Variants in DTX3L observed in about 807,000 individuals in gnomAD.
The protein encoded by DTX3L is E3 ubiquitin-protein ligase DTX3L.
In DTX3L, 34 loss-of-function variants were observed where a neutral mutation model predicts 60.9. The observed-to-expected ratio is 0.56, with a 90% CI of 0.42 to 0.74. DTX3L has a LOEUF of 0.74. Among genes scored for constraint, DTX3L ranks in the 30% least tolerant of loss-of-function variants. The probability of loss-of-function intolerance (pLI) is 0.00; values close to 1 mark genes in which losing one functional copy is unlikely to be tolerated. For synonymous variants in DTX3L, 290 were observed against 316.6 expected (o/e 0.92, Z 0.89); for missense variants, 810 against 874.0 (o/e 0.93, Z 0.92).
Position 122,573,361 on chromosome 3 carries a change from A to C in DTX3L, c.*1614A>C, listed in dbSNP as rs1170974425. The C allele has an allele frequency of 6.6e-6, 1 of 152,230 alleles. No homozygotes were observed. The highest frequency in any genetic ancestry group is 1.5e-5 in the Non-Finnish European group (1 of 68,046). 9.4% of individuals were successfully genotyped at this position (152,230 alleles called of 1,614,324 possible). On this transcript the variant is annotated 3_prime_UTR_variant, in exon 5 of 5. Transcript: ENST00000296161. ...AATTGTTTGCCTGACTCAGGTTGCT[A>C]GTAAGCCAGCAGAGGGATATTTGCC...
In DTX3L at chr3:122,570,662, G is replaced by A. The variant is rs768650894; in HGVS notation, c.2143G>A (p.Gly715Arg). The part of the protein sequence containing the change: ...DIHHKTSRFG[G>R]PEMYGYPDPS... ...TCACCACAAAACATCCCGGTTTGGA[G>A]GACCAGAAATGTGAGATCCTTTTGG... Residue 715 changes from glycine (G) to arginine (R), a missense_variant, in exon 4 of 5, where the codon GGA becomes AGA. Coordinates refer to ENST00000296161, the MANE Select transcript of DTX3L (RefSeq NM_138287.3). 2.0e-5 allele frequency: 33 copies of A among 1,614,046 alleles called. No individual in the cohort carries two copies. The highest frequency in any genetic ancestry group is 3.3e-5 in the Admixed American group (2 of 60,004).
At chr3:122,564,680 C>T in intron 1 of DTX3L, 67 bp downstream of exon 1, 3 of 1,534,970 alleles carry the variant, frequency 2.0e-6, no homozygotes, top group Non-Finnish European at 2.6e-6. Context: ...CCAGGCGGAC[C>T]CAGTTCCAGC....
At position 122,566,013 on chromosome 3, in the gene DTX3L, T is replaced by C; in HGVS notation, c.342T>C (p.Gly114=). 1 of 1,614,192 alleles carries C rather than the reference T, an allele frequency of 6.2e-7. No homozygotes were observed. The highest frequency in any genetic ancestry group is 1.3e-5 in the African/African-American group (1 of 75,054). ...LTQSQAETPS[G]DMHQHEGHIP... The stretch of plus-strand genomic sequence containing the variant: ...AATCACAAGCAGAAACACCGTCTGG[T>C]GATATGCATCAACATGAAGGACATA... The change falls in exon 2 of 5, where the codon GGT becomes GGC. Residue 114 remains glycine, a synonymous_variant. Coordinates refer to ENST00000296161, the MANE Select transcript of DTX3L (RefSeq NM_138287.3).
In DTX3L at chr3:122,570,470, C is replaced by G. The variant is rs900275425; in HGVS notation, c.1951C>G (p.Pro651Ala). The stretch of plus-strand genomic sequence containing the variant: ...TCTCACACAGGAAGAACACCCAAAC[C>G]CAGGAAAGAGATACCCTGGAATACA... ...AGIQTEEHPN[P>A]GKRYPGIQRT... Residue 651 changes from proline to alanine, a missense_variant, in exon 4 of 5, where the codon CCA (proline) becomes GCA (alanine). Coordinates refer to ENST00000296161, the MANE Select transcript of DTX3L (RefSeq NM_138287.3). The G allele has an allele frequency of 3.1e-6, 5 of 1,613,924 alleles. No homozygotes were observed. In the Admixed American group the frequency reaches 8.3e-5, roughly 27 times the overall value.
rs539630211 is a variant in DTX3L, at chr3:122,569,241, C to T, written c.1152C>T (p.His384=). The T allele has an allele frequency of 9.9e-6, 16 of 1,614,100 alleles. No individual in the cohort carries two copies. The East Asian group carries it at 3.3e-4, about 34-fold the overall frequency. The part of the protein sequence containing the change: ...MMNVIEVDSA[H]YKLLETELLQ... ...ATGTAATTGAGGTTGATAGTGCCCA[C>T]TATAAACTTTTAGAAACTGAATTAC... Residue 384 remains histidine, a synonymous_variant, in exon 3 of 5, where the codon CAC becomes CAT. Transcript: ENST00000296161.
In DTX3L at chr3:122,574,491, A is replaced by C. The variant is rs185529806; in HGVS notation, c.*2744A>C. 6.6e-6 allele frequency: 1 copy of C among 152,328 alleles called. No homozygotes were observed. The highest frequency in any genetic ancestry group is 1.9e-4 in the East Asian group (1 of 5,192). 9.4% of individuals were successfully genotyped at this position (152,328 alleles called of 1,614,324 possible). A position where few individuals can be genotyped will look rare whatever the true frequency, so the allele number is the denominator to read the frequency against. The stretch of plus-strand genomic sequence containing the variant: ...AAAGATACACATACACACATGTACA[A>C]ATTTTTTTATCAGATAATAATAGCT... On this transcript the variant is annotated 3_prime_UTR_variant, in exon 5 of 5. Coordinates refer to ENST00000296161, the MANE Select transcript of DTX3L (RefSeq NM_138287.3).
Position 122,569,436 on chromosome 3 carries a change from G to A in DTX3L, c.1347G>A (p.Met449Ile). The change falls in exon 3 of 5, where the codon ATG (methionine) becomes ATA (isoleucine). Residue 449 changes from methionine (M) to isoleucine (I), a missense_variant. Coordinates refer to ENST00000296161, the MANE Select transcript of DTX3L (RefSeq NM_138287.3). ...DAFQHASCQL[M>I]REVLLLKSLG... ...TTCAACATGCCTCATGTCAGTTGAT[G>A]AGAGAAGTTCTTTTACTGAAGTCTT... The A allele has an allele frequency of 6.2e-7, 1 of 1,614,166 alleles. No homozygotes were observed. Among genetic ancestry groups the A allele is most frequent in the Non-Finnish European group, 8.5e-7 (1 of 1,180,034 alleles).
intron 4 of DTX3L, among the ~76,000 whole-genome samples, chr3:122,570,916 G>C (rs917219162): frequency 6.6e-6 from 1 of 152,110 alleles, no homozygotes; most frequent in African/African-American, 2.4e-5. Flanking sequence ...TTTTGAATCC[G>C]AGATGAATAC....
chr3:122,566,067 A>G lies in DTX3L; in HGVS notation c.396A>G (p.Gln132=). Residue 132 remains glutamine (Q), a synonymous_variant, in exon 2 of 5, where the codon CAA becomes CAG. Transcript: ENST00000296161. ...HIPNAVDSCL[Q]KIFLTVTADL... The stretch of plus-strand genomic sequence containing the variant: ...CTAATGCTGTGGATTCCTGTCTCCA[A>G]AAGGTGAGTATTGAAAGAAGGAGCT... 1.2e-6 allele frequency: 2 copies of G among 1,613,924 alleles called. No individual in the cohort carries two copies. The highest frequency in any genetic ancestry group is 1.1e-5 in the South Asian group (1 of 91,078).
At position 122,570,624 on chromosome 3, in the gene DTX3L, C is replaced by T; in HGVS notation, c.2105C>T (p.Thr702Ile). ...SRVLGVSDVI[T>I]WNDIHHKTSR... The stretch of plus-strand genomic sequence containing the variant: ...GTATTAGGAGTCTCAGATGTCATCA[C>T]TTGGAATGATATTCACCACAAAACA... The change falls in exon 4 of 5, where the codon ACT (threonine) becomes ATT (isoleucine). Residue 702 changes from threonine (T) to isoleucine (I), a missense_variant. Thr to Ile is a moderately conservative substitution (Grantham distance 89, BLOSUM62 -1). Transcript: ENST00000296161. 6.2e-7 allele frequency: 1 copy of T among 1,614,172 alleles called. No homozygotes were observed. Among genetic ancestry groups the T allele is most frequent in the Admixed American group, 1.7e-5 (1 of 60,018 alleles).
chr3:122,564,417 G>C lies in DTX3L; in HGVS notation c.-10G>C. The stretch of plus-strand genomic sequence containing the variant: ...CCCGGAGCCCCCGCGCCCTCCCGAC[G>C]CGCAGAGCCATGGCCTCCCACCTGC... On this transcript the variant is annotated 5_prime_UTR_variant, in exon 1 of 5. Transcript: ENST00000296161. 6.2e-7 allele frequency: 1 copy of C among 1,604,354 alleles called. No homozygotes were observed. Among genetic ancestry groups the C allele is most frequent in the Non-Finnish European group, 8.5e-7 (1 of 1,175,950 alleles).
rs781422888 is a variant in DTX3L, at chr3:122,568,937, G to A, written c.848G>A (p.Arg283Gln). ...NMVCLDFTSSRSGDLEAARES... is the reference protein window; with the variant it reads ...NMVCLDFTSSQSGDLEAARES... ...GTCTGTTTAGATTTCACCTCAAGTC[G>A]ATCAGGTGACCTGGAAGCAGCTCGT... The change falls in exon 3 of 5, where the codon CGA becomes CAA. Residue 283 changes from arginine (R) to glutamine (Q), a missense_variant. Transcript: ENST00000296161. 1.4e-5 allele frequency: 22 copies of A among 1,613,918 alleles called. No homozygotes were observed. Among genetic ancestry groups the A allele is most frequent in the African/African-American group, 8.0e-5 (6 of 74,904 alleles).
At chr3:122,570,716 G>T (rs960201779) in intron 4 of DTX3L, 44 bp downstream of exon 4, 13 of 1,600,454 alleles carry the variant, frequency 8.1e-6, no homozygotes, top group Non-Finnish European at 1.1e-5. Flanking sequence ...CAGAGTATAG[G>T]GATTATGAAA....
chr3:122,569,442 A>C lies in DTX3L; in HGVS notation c.1353A>C (p.Glu451Asp). 6.2e-7 allele frequency: 1 copy of C among 1,614,170 alleles called. No homozygotes were observed. The highest frequency in any genetic ancestry group is 8.5e-7 in the Non-Finnish European group (1 of 1,180,032). The change falls in exon 3 of 5, where the codon GAA (glutamate) becomes GAC (aspartate). Residue 451 changes from glutamate to aspartate, a missense_variant. Coordinates refer to ENST00000296161, the MANE Select transcript of DTX3L (RefSeq NM_138287.3). ...ATGCCTCATGTCAGTTGATGAGAGA[A>C]GTTCTTTTACTGAAGTCTTTGGGCA... Reference protein sequence around the residue: ...FQHASCQLMREVLLLKSLGKE... With the variant: ...FQHASCQLMRDVLLLKSLGKE...
At position 122,569,799 on chromosome 3, in the gene DTX3L, C is replaced by T. The variant is rs780541559; in HGVS notation, c.1710C>T (p.Asn570=). The change falls in exon 3 of 5, where the codon AAC becomes AAT. Residue 570 remains asparagine (N), a synonymous_variant. Transcript: ENST00000296161. ...TCATCTGTATGGACACCATTAGTAA[C>T]AAAAAAGTGCTACCAAAGTGCAAGC... ...ICVICMDTIS[N]KKVLPKCKHE... 4 of 1,614,070 alleles carry T rather than the reference C, an allele frequency of 2.5e-6. No individual in the cohort carries two copies. The highest frequency in any genetic ancestry group is 1.7e-5 in the Admixed American group (1 of 60,022).
chr3:122,569,030 A>C lies in DTX3L; in HGVS notation c.941A>C (p.Asp314Ala). ...PLKQECVSLA[D>A]SKQANKFKQE... ...AAGCAAGAATGTGTCTCTTTAGCAG[A>C]CAGTAAGCAGGCAAATAAATTCAAA... Residue 314 changes from aspartate to alanine, a missense_variant, in exon 3 of 5, where the codon GAC (aspartate) becomes GCC (alanine). Physicochemically the swap from Asp to Ala is moderately radical, Grantham distance 126. Transcript: ENST00000296161. 6.2e-7 allele frequency: 1 copy of C among 1,614,140 alleles called. No homozygotes were observed. Among genetic ancestry groups the C allele is most frequent in the Non-Finnish European group, 8.5e-7 (1 of 1,180,012 alleles).
intron 2 of DTX3L, among the ~76,000 whole-genome samples, chr3:122,566,371 CT>C (rs68028452): frequency 0.28 from 42,169 of 151,952 alleles, 6,032 homozygotes; most frequent in East Asian, 0.42. Context: ...GGTGTTACTT[CT>C]TTTTTTCCCC....
chr3:122,569,972 A>C lies in DTX3L; in HGVS notation c.1883A>C (p.Glu628Ala). The C allele has an allele frequency of 6.2e-7, 1 of 1,614,124 alleles. No individual in the cohort carries two copies. Among genetic ancestry groups the C allele is most frequent in the Non-Finnish European group, 8.5e-7 (1 of 1,180,024 alleles). ...TVSRDSLPGY[E>A]SFGTIVITYS... is the part of the protein sequence containing the mutation. ...TCAAGAGACTCACTTCCAGGTTATG[A>C]GTCCTTTGGCACCATTGTGATTACT... Residue 628 changes from glutamate (E) to alanine (A), a missense_variant, in exon 3 of 5, where the codon GAG becomes GCG. Coordinates refer to ENST00000296161, the MANE Select transcript of DTX3L (RefSeq NM_138287.3).
In DTX3L at chr3:122,570,583, A is replaced by G; in HGVS notation, c.2064A>G (p.Thr688=). 4 of 1,614,184 alleles carry G rather than the reference A, an allele frequency of 2.5e-6. No homozygotes were observed. Among genetic ancestry groups the G allele is most frequent in the Non-Finnish European group, 3.4e-6 (4 of 1,180,030 alleles). The change falls in exon 4 of 5, where the codon ACA becomes ACG. Residue 688 remains threonine (T), a synonymous_variant. Transcript: ENST00000296161. ...YRAFDQKLIF[T]VGYSRVLGVS... ...CCTTTGACCAAAAGCTGATTTTTAC[A>G]GTGGGGTACTCTCGCGTATTAGGAG...
Sources: allele counts gnomAD v4.1 joint callset (sites outside exome capture counted in the v4.1 genomes callset), GRCh38; gene constraint gnomAD v4.1.1; transcripts MANE v1.5; gene names NCBI Gene and HGNC (gene_info 2026-07-23, HGNC 2026-07-21).